Variants in ITPR1 observed in about 807,000 individuals in gnomAD.
ITPR1 encodes inositol 1,4,5-trisphosphate-gated calcium channel ITPR1.
Under a neutral mutation model 318.4 loss-of-function variants are expected in ITPR1, and 96 were observed. That is an observed-to-expected ratio of 0.30 (90% CI 0.26 to 0.36). The LOEUF (loss-of-function observed/expected upper bound fraction) is 0.36. Ranked by LOEUF, ITPR1 falls within the 10% of genes least tolerant of loss-of-function variation. The pLI, the probability that ITPR1 is intolerant of heterozygous loss-of-function variation, is 1.00. For missense variants in ITPR1, 2,440 were observed against 3,460.2 expected (o/e 0.71, Z 7.40); for synonymous variants, 1,312 against 1,289.9 (o/e 1.02, Z -0.37).
intron 39 of ITPR1, among the ~76,000 whole-genome samples, chr3:4,712,323 T>G (rs928473917): frequency 6.6e-6 from 1 of 152,222 alleles, no homozygotes. Flanking sequence ...AAGGCAGGCA[T>G]ACACGTCACC....
chr3:4,800,780 C>G (rs775627476), intron 54 of ITPR1, among the ~76,000 whole-genome samples, 180 bp downstream of exon 54: 1 of 152,292 alleles, frequency 6.6e-6, no homozygotes, highest in Non-Finnish European at 1.5e-5. Flanking sequence ...TTGACCTCCG[C>G]GTGGTGCAGT....
At chr3:4,669,132 A>G (rs2094016853) in intron 18 of ITPR1, among the ~76,000 whole-genome samples, 1 of 152,216 alleles carries the variant, frequency 6.6e-6, no homozygotes, top group African/African-American at 2.4e-5. Context: ...GTAGTGAGCA[A>G]TGGAAGCACT....
In ITPR1 at chr3:4,700,073, G is replaced by A. The variant is rs187945925; in HGVS notation, c.4536+132G>A. The stretch of plus-strand genomic sequence containing the variant: ...ATTAATACAAGATATATTTCTCTTG[G>A]TGGAAGATAGCTTTGATGGGATTTC... On this transcript the variant is annotated intron_variant, in intron 35 of 61. Transcript: ENST00000649015. The A allele has an allele frequency of 1.1e-5, 8 of 724,262 alleles. No homozygotes were observed. In the East Asian group the frequency reaches 1.9e-4, roughly 18 times the overall value. The allele number at this position is 724,262 out of a possible 1,614,324, so 44.9% of individuals were successfully genotyped here.
intron 16 of ITPR1, 135 bp downstream of exon 16, chr3:4,663,341 T>A (rs1232327326): frequency 8.8e-6 from 6 of 678,348 alleles, no homozygotes; most frequent in Non-Finnish European, 1.2e-5. Flanking sequence ...AAATGGAGGT[T>A]GCAGTGAGCT....
intron 52 of ITPR1, among the ~76,000 whole-genome samples, chr3:4,791,287 G>A (rs180680158): frequency 5.3e-5 from 8 of 152,218 alleles, no homozygotes; most frequent in South Asian, 2.1e-4. Flanking sequence ...GTAAGGCAGC[G>A]GTCCCCAACC....
chr3:4,693,207 C>T (rs2094506362), intron 32 of ITPR1, among the ~76,000 whole-genome samples: 1 of 152,200 alleles, frequency 6.6e-6, no homozygotes, highest in South Asian at 2.1e-4. Flanking sequence ...TGCAAGCTTG[C>T]AATCTCTGTT....
chr3:4,816,245 A>C (rs1183068224), intron 59 of ITPR1: 1 of 152,242 alleles, frequency 6.6e-6, no homozygotes, highest in Non-Finnish European at 1.5e-5. Flanking sequence ...TTCAGTCACC[A>C]TGCCTCGTGA....
At chr3:4,740,769 C>T (rs997883876) in intron 44 of ITPR1, among the ~76,000 whole-genome samples, 5 of 152,144 alleles carry the variant, frequency 3.3e-5, no homozygotes, top group Admixed American at 1.3e-4. Context: ...TTGAACCCTC[C>T]GCTTATGGGA....
At chr3:4,504,170 A>T (rs2081237305) in intron 2 of ITPR1, among the ~76,000 whole-genome samples, 1 of 152,234 alleles carries the variant, frequency 6.6e-6, no homozygotes, top group Admixed American at 6.5e-5. Flanking sequence ...AAGCCATGAG[A>T]CCAAATGTCA....
At chr3:4,602,485 A>G (rs2091364874) in intron 4 of ITPR1, among the ~76,000 whole-genome samples, 1 of 148,334 alleles carries the variant, frequency 6.7e-6, no homozygotes, top group Non-Finnish European at 1.5e-5. Context: ...CTGACATTGC[A>G]CCATTGCACT....
chr3:4,807,059 C>G (rs1181988820), intron 55 of ITPR1, among the ~76,000 whole-genome samples: 2 of 145,786 alleles, frequency 1.4e-5, no homozygotes, highest in Non-Finnish European at 3.0e-5. Flanking sequence ...TAAGGGTTGG[C>G]TTACAAAGAG....
At chr3:4,721,837 C>T (rs1309197481) in intron 40 of ITPR1, among the ~76,000 whole-genome samples, 2 of 152,180 alleles carry the variant, frequency 1.3e-5, no homozygotes, top group African/African-American at 4.8e-5. Flanking sequence ...CTGTGATAGG[C>T]ACACATGAAG....
At chr3:4,584,606 G>A (rs961599444) in intron 4 of ITPR1, among the ~76,000 whole-genome samples, 1 of 152,050 alleles carries the variant, frequency 6.6e-6, no homozygotes, top group Middle Eastern at 3.4e-3. Context: ...AGAGTTTGGA[G>A]GGAGGGGGCC....
chr3:4,738,784 G>A (rs2043475711), intron 44 of ITPR1, among the ~76,000 whole-genome samples: 1 of 151,978 alleles, frequency 6.6e-6, no homozygotes, highest in South Asian at 2.1e-4. Context: ...CCAGGCTGTA[G>A]ATGAAATGCC....
Position 4,766,489 on chromosome 3 carries a change from G to A in ITPR1, c.5545-41G>A, listed in dbSNP as rs775406532. ...TGTCATGAGTGGGGTGCAGTTTCTG[G>A]TCAGTTACAGTGTTCACAATCTATG... On this transcript the variant is annotated intron_variant, in intron 44 of 61. Coordinates refer to ENST00000649015, the MANE Select transcript of ITPR1 (RefSeq NM_001378452.1). 2.5e-6 allele frequency: 4 copies of A among 1,571,706 alleles called. No homozygotes were observed. The South Asian group carries it at 3.4e-5, about 13-fold the overall frequency.
intron 60 of ITPR1, among the ~76,000 whole-genome samples, chr3:4,824,687 T>C (rs183974208): frequency 5.9e-5 from 9 of 151,756 alleles, no homozygotes; most frequent in Admixed American, 2.0e-4. Flanking sequence ...GAGAGGAGAG[T>C]GGGAAAGAGG....
At chr3:4,623,219 G>A (rs1021254972) in intron 4 of ITPR1, among the ~76,000 whole-genome samples, 1 of 152,154 alleles carries the variant, frequency 6.6e-6, no homozygotes, top group African/African-American at 2.4e-5. Context: ...CTCCAGCCTG[G>A]CTCCAGCATG....
chr3:4,736,261 A>G (rs2043262646), intron 44 of ITPR1, among the ~76,000 whole-genome samples: 1 of 152,174 alleles, frequency 6.6e-6, no homozygotes, highest in African/African-American at 2.4e-5. Flanking sequence ...ACCCTGATGT[A>G]TATATTTGAC....
chr3:4,801,286 A>G (rs1045493239), intron 54 of ITPR1, among the ~76,000 whole-genome samples: 20 of 152,230 alleles, frequency 1.3e-4, no homozygotes, highest in Non-Finnish European at 1.0e-4. Context: ...CCCTGAGTAT[A>G]TAAGGAAGCT....
Sources: gnomAD v4.1 joint callset for allele counts (sites outside exome capture counted in the v4.1 genomes callset) on GRCh38, gnomAD v4.1.1 for gene constraint, MANE v1.5 for transcripts, NCBI Gene and HGNC (gene_info 2026-07-23, HGNC 2026-07-21) for gene names.